The following DARS1 variants were observed in gnomAD, a reference collection of about 807,000 sequenced individuals.
The protein encoded by DARS1 is aspartate--tRNA ligase, cytoplasmic.
In DARS1, 51 loss-of-function variants were observed where a neutral mutation model predicts 68.8. That is an observed-to-expected ratio of 0.74 (90% confidence interval 0.59 to 0.94). DARS1 has a LOEUF of 0.94. DARS1 is among the 40% of genes least tolerant of loss of function. The probability of loss-of-function intolerance (pLI) is 0.00; values close to 1 mark genes in which losing one functional copy is unlikely to be tolerated. For missense variants in DARS1, 607 were observed against 597.3 expected, an observed-to-expected ratio of 1.02 and a Z score of -0.17; for synonymous variants, 203 against 190.4, an observed-to-expected ratio of 1.07 and a Z score of -0.55.
chr2:135,967,890 G>A (rs138173272), intron 3 of DARS1, among the ~76,000 whole-genome samples: 66 of 152,172 alleles, frequency 4.3e-4, no homozygotes, highest in African/African-American at 1.5e-3. Context: ...ATGATTTTTC[G>A]TACATAAGAT....
intron 3 of DARS1, among the ~76,000 whole-genome samples, chr2:135,963,891 G>A (rs1181167870): frequency 1.3e-5 from 2 of 151,714 alleles, no homozygotes; most frequent in East Asian, 3.9e-4. Flanking sequence ...ATATTGGTCA[G>A]GCTGGTCTCG....
chr2:135,949,138 A>C (rs536875022), intron 4 of DARS1, among the ~76,000 whole-genome samples: 1 of 152,278 alleles, frequency 6.6e-6, no homozygotes, highest in South Asian at 2.1e-4. Flanking sequence ...TTATTTTCAG[A>C]ATCAGAATAC....
intron 3 of DARS1, among the ~76,000 whole-genome samples, chr2:135,976,965 G>A (rs1341542812): frequency 6.6e-6 from 1 of 152,096 alleles, no homozygotes; most frequent in Non-Finnish European, 1.5e-5. Flanking sequence ...TCTATTATAT[G>A]TGTATAAAAC....
At chr2:135,952,350 G>A (rs369113713) in intron 4 of DARS1, among the ~76,000 whole-genome samples, 2 of 151,964 alleles carry the variant, frequency 1.3e-5, no homozygotes, top group African/African-American at 2.4e-5. Flanking sequence ...TGTACACATC[G>A]TGTAAAAATC....
chr2:135,914,335 T>A lies in DARS1; in HGVS notation c.1149+134A>T. The A allele has an allele frequency of 7.6e-6, 5 of 656,728 alleles. No homozygotes were observed. The South Asian group carries it at 8.4e-5, about 11-fold the overall frequency. The allele number at this position is 656,728 out of a possible 1,614,324, so 40.7% of individuals were successfully genotyped here. Reference sequence around the variant, plus strand: ...TTTTCTAAGAAAAAAATTTTTTTAATGTTGTCCTTCTTCGGTTTTTATTTA... The same window carrying A: ...TTTTCTAAGAAAAAAATTTTTTTAAAGTTGTCCTTCTTCGGTTTTTATTTA... On this transcript the variant is annotated intron_variant, in intron 12 of 15. Coordinates refer to ENST00000264161, the MANE Select transcript of DARS1 (RefSeq NM_001349.4).
chr2:135,934,003 G>C lies in DARS1; in HGVS notation c.424-13C>G. 2 of 1,608,694 alleles carry C rather than the reference G, an allele frequency of 1.2e-6. No homozygotes were observed. Among genetic ancestry groups the C allele is most frequent in the African/African-American group, 2.7e-5 (2 of 74,952 alleles). Reference sequence around the variant, plus strand: ...TGATCACATAAATCTGTAAGTGAGAGATTACCAAAAATAGTAGAAAGCACA... The same window carrying C: ...TGATCACATAAATCTGTAAGTGAGACATTACCAAAAATAGTAGAAAGCACA... On this transcript the variant is annotated splice_polypyrimidine_tract_variant and intron_variant, in intron 5 of 15. Transcript: ENST00000264161.
chr2:135,974,205 T>C (rs912513472), intron 3 of DARS1, among the ~76,000 whole-genome samples: 2 of 152,204 alleles, frequency 1.3e-5, no homozygotes, highest in Non-Finnish European at 2.9e-5. Context: ...TAATTGGGAA[T>C]GTGTGTACTG....
intron 7 of DARS1, among the ~76,000 whole-genome samples, chr2:135,931,644 G>A (rs772807516): frequency 4.6e-5 from 7 of 152,076 alleles, no homozygotes; most frequent in Admixed American, 3.3e-4. Flanking sequence ...GCATGTGAAC[G>A]CTTGCAAGGG....
In DARS1 at chr2:135,933,787, G is replaced by A. The variant is rs309163; in HGVS notation, c.504+123C>T. ...GGTTTGAGAATTGCTGATTTTAAGA[G>A]TAAGTTTAAATAACAATGGAGCTCA... On this transcript the variant is annotated intron_variant, in intron 6 of 15. Coordinates refer to ENST00000264161, the MANE Select transcript of DARS1 (RefSeq NM_001349.4). 5.0e-3 allele frequency: 6,631 copies of A among 1,313,942 alleles called. 206 individuals are homozygous for A. The African/African-American group carries it at 0.082, about 16-fold the overall frequency. The allele number at this position is 1,313,942 out of a possible 1,614,324, so 81.4% of individuals were successfully genotyped here.
intron 4 of DARS1, among the ~76,000 whole-genome samples, chr2:135,944,363 T>C (rs1007716227): frequency 6.6e-6 from 1 of 152,180 alleles, no homozygotes; most frequent in African/African-American, 2.4e-5. Context: ...ATTCTATTCA[T>C]TCTGATGAGG....
At chr2:135,979,232 G>A (rs1465265324) in intron 3 of DARS1, 42 bp downstream of exon 3, 1 of 876,518 alleles carries the variant, frequency 1.1e-6, no homozygotes. Context: ...AAAAAATTCG[G>A]AGTCCTTACC....
intron 4 of DARS1, among the ~76,000 whole-genome samples, chr2:135,951,241 A>G (rs1254666435): frequency 6.6e-6 from 1 of 152,212 alleles, no homozygotes; most frequent in Non-Finnish European, 1.5e-5. Context: ...TAAAGGGGCT[A>G]GCTTCACTCC....
chr2:135,930,519 C>A (rs1291568630), intron 7 of DARS1, among the ~76,000 whole-genome samples: 3 of 152,160 alleles, frequency 2.0e-5, no homozygotes, highest in Non-Finnish European at 4.4e-5. Context: ...TTAAGGAGAC[C>A]TCACACTACT....
In DARS1 at chr2:135,979,919, A is replaced by ATGC. The variant is rs1682583661; in HGVS notation, c.125-556_125-554dup. ...TCTTTCTCTGGGACTAAATATACAG[A>ATGC]TGCTGGGAATGAAGCTCTCTTTCCT... is the stretch of plus-strand genomic sequence containing the variant. On this transcript the variant is annotated intron_variant, in intron 2 of 15. Coordinates refer to ENST00000264161, the MANE Select transcript of DARS1 (RefSeq NM_001349.4). Among the ~76,000 whole-genome samples, 2 of 152,206 alleles carry ATGC rather than the reference A, an allele frequency of 1.3e-5. 1 individual carries two copies. The highest frequency in any genetic ancestry group is 4.1e-4 in the South Asian group (2 of 4,834).
intron 10 of DARS1, 81 bp downstream of exon 10, chr2:135,920,372 T>G: frequency 6.7e-7 from 1 of 1,492,030 alleles, no homozygotes; most frequent in Non-Finnish European, 8.9e-7. Context: ...TAAGTTTGTA[T>G]GTTTAAATTG....
At position 135,985,561 on chromosome 2, in the gene DARS1, C is replaced by T. The variant is rs747104505; in HGVS notation, c.-93G>A. ...CTTCTCCCTCCCTCCCAGTCTCCGC[C>T]CTCCCGACCCTGGGGTCTCAGCACA... On this transcript the variant is annotated 5_prime_UTR_variant, in exon 1 of 16. Coordinates refer to ENST00000264161, the MANE Select transcript of DARS1 (RefSeq NM_001349.4). 3.8e-6 allele frequency: 6 copies of T among 1,595,460 alleles called. No individual in the cohort carries two copies. The highest frequency in any genetic ancestry group is 5.1e-6 in the Non-Finnish European group (6 of 1,171,310).
At chr2:135,925,567 A>G (rs1021730925) in intron 7 of DARS1, among the ~76,000 whole-genome samples, 2 of 152,232 alleles carry the variant, frequency 1.3e-5, no homozygotes, top group Admixed American at 6.5e-5. Flanking sequence ...AGATAAAAAC[A>G]TTCATGTAAA....
intron 4 of DARS1, among the ~76,000 whole-genome samples, chr2:135,951,869 A>G (rs1681845482): frequency 6.6e-6 from 1 of 152,182 alleles, no homozygotes; most frequent in African/African-American, 2.4e-5. Context: ...CATTTTTTTC[A>G]AGGTAAAATG....
chr2:135,943,302 CAT>C (rs1681647684), intron 5 of DARS1, 74 bp downstream of exon 5: 8 of 1,540,364 alleles, frequency 5.2e-6, no homozygotes, highest in Non-Finnish European at 7.0e-6. Flanking sequence ...TTAGTAAGAA[CAT>C]ATAAATTTGA....
Sources: allele counts gnomAD v4.1 joint callset (sites outside exome capture counted in the v4.1 genomes callset), GRCh38; gene constraint gnomAD v4.1.1; transcripts MANE v1.5; gene names NCBI Gene and HGNC (gene_info 2026-07-23, HGNC 2026-07-21).